Variants in ADGRB3 observed in about 807,000 individuals in gnomAD.
ADGRB3 encodes the protein brain-specific angiogenesis inhibitor 3.
ADGRB3 carries 37 observed loss-of-function variants against 193.4 expected under a neutral mutation model. The ratio of observed to expected loss-of-function variants is 0.19; its 90% confidence interval spans 0.15 to 0.25. The LOEUF (loss-of-function observed/expected upper bound fraction) is 0.25. ADGRB3 is among the 10% of genes least tolerant of loss of function. ADGRB3 has a pLI of 1.00. For missense variants in ADGRB3, 1,637 were observed against 1,852.9 expected, an observed-to-expected ratio of 0.88 and a Z score of 2.14; for synonymous variants, 690 against 644.2, an observed-to-expected ratio of 1.07 and a Z score of -1.08.
chr6:69,214,108 A>G (rs1765723832), intron 17 of ADGRB3, among the ~76,000 whole-genome samples: 1 of 152,166 alleles, frequency 6.6e-6, no homozygotes, highest in Non-Finnish European at 1.5e-5. Context: ...AGGGTATTTG[A>G]CCTGAACTGG....
chr6:68,977,562 C>G (rs1429775513), intron 10 of ADGRB3, among the ~76,000 whole-genome samples: 1 of 152,096 alleles, frequency 6.6e-6, no homozygotes, highest in Non-Finnish European at 1.5e-5. Flanking sequence ...AAGATAGATA[C>G]ACTCAGTGAA....
chr6:69,091,802 T>C (rs906871698), intron 17 of ADGRB3, among the ~76,000 whole-genome samples: 2 of 152,096 alleles, frequency 1.3e-5, no homozygotes, highest in African/African-American at 2.4e-5. Flanking sequence ...AGTTAAAAAG[T>C]AAATAAATAA....
At chr6:68,742,893 T>G (rs1467696289) in intron 3 of ADGRB3, among the ~76,000 whole-genome samples, 1 of 151,934 alleles carries the variant, frequency 6.6e-6, no homozygotes, top group Non-Finnish European at 1.5e-5. Flanking sequence ...AATTTTCTAT[T>G]TTTTCCTAAA....
intron 3 of ADGRB3, among the ~76,000 whole-genome samples, chr6:68,700,412 A>G (rs895886009): frequency 1.3e-5 from 2 of 152,116 alleles, no homozygotes; most frequent in African/African-American, 4.8e-5. Context: ...GGAAATCTAT[A>G]AACGGTTGGA....
chr6:69,272,118 C>A (rs986545968), intron 20 of ADGRB3, among the ~76,000 whole-genome samples: 20 of 152,170 alleles, frequency 1.3e-4, no homozygotes, highest in African/African-American at 4.6e-4. Context: ...ACACGCTGCA[C>A]CCACACATAC....
chr6:69,344,649 A>G (rs1769046780), intron 26 of ADGRB3, among the ~76,000 whole-genome samples: 1 of 152,196 alleles, frequency 6.6e-6, no homozygotes, highest in African/African-American at 2.4e-5. Context: ...TTACATGAAC[A>G]TCCAGGTTTG....
intron 31 of ADGRB3, among the ~76,000 whole-genome samples, chr6:69,383,625 A>G (rs1769998441): frequency 6.6e-6 from 1 of 152,024 alleles, no homozygotes; most frequent in Non-Finnish European, 1.5e-5. Flanking sequence ...ATCAAGAACT[A>G]TCTGATCTTA....
intron 3 of ADGRB3, among the ~76,000 whole-genome samples, chr6:68,679,012 T>G (rs970838696): frequency 1.3e-5 from 2 of 152,186 alleles, no homozygotes; most frequent in African/African-American, 2.4e-5. Context: ...AAAAAATTTC[T>G]TATCCTATTT....
chr6:68,824,974 C>T (rs1767815756), intron 3 of ADGRB3, among the ~76,000 whole-genome samples: 1 of 152,072 alleles, frequency 6.6e-6, no homozygotes, highest in Non-Finnish European at 1.5e-5. Flanking sequence ...CCTGTGTCAG[C>T]CTCAGGAGTA....
At chr6:68,795,278 G>A (rs1473500034) in intron 3 of ADGRB3, among the ~76,000 whole-genome samples, 1 of 151,386 alleles carries the variant, frequency 6.6e-6, no homozygotes, top group African/African-American at 2.4e-5. Flanking sequence ...AAAAAAAGAA[G>A]AAAAAATAGA....
intron 3 of ADGRB3, among the ~76,000 whole-genome samples, chr6:68,671,689 G>A (rs117010858): frequency 0.012 from 1,784 of 151,984 alleles, 14 homozygotes; most frequent in Non-Finnish European, 0.018. Context: ...TCCATCAATA[G>A]TCATCAGAGA....
chr6:69,071,424 A>T (rs1772075795), intron 16 of ADGRB3, among the ~76,000 whole-genome samples: 1 of 152,222 alleles, frequency 6.6e-6, no homozygotes, highest in Non-Finnish European at 1.5e-5. Context: ...TCAAGTAAAT[A>T]TATTTGTTTG....
chr6:69,314,723 A>T (rs773889638), intron 20 of ADGRB3, among the ~76,000 whole-genome samples: 2 of 151,596 alleles, frequency 1.3e-5, no homozygotes, highest in Non-Finnish European at 3.0e-5. Context: ...GAGGTTTTTC[A>T]GCTGTTTACA....
intron 23 of ADGRB3, among the ~76,000 whole-genome samples, chr6:69,331,007 A>T (rs1016827059): frequency 1.3e-5 from 2 of 152,168 alleles, no homozygotes; most frequent in African/African-American, 4.8e-5. Flanking sequence ...GACCTCAGTG[A>T]TACTGATATT....
At chr6:68,867,121 T>A (rs1430670463) in intron 3 of ADGRB3, among the ~76,000 whole-genome samples, 1 of 152,108 alleles carries the variant, frequency 6.6e-6, no homozygotes, top group Non-Finnish European at 1.5e-5. Flanking sequence ...TCCAGGGCAT[T>A]TCAGAGCTCT....
intron 6 of ADGRB3, among the ~76,000 whole-genome samples, chr6:68,950,414 T>G (rs1211049029): frequency 6.6e-6 from 1 of 152,162 alleles, no homozygotes; most frequent in Non-Finnish European, 1.5e-5. Context: ...TTAAATGGTG[T>G]TCTATGAATT....
At chr6:69,260,263 T>C (rs1766895645) in intron 20 of ADGRB3, among the ~76,000 whole-genome samples, 1 of 152,190 alleles carries the variant, frequency 6.6e-6, no homozygotes, top group South Asian at 2.1e-4. Flanking sequence ...TCTATGATTT[T>C]ACATGGTAAA....
intron 3 of ADGRB3, among the ~76,000 whole-genome samples, chr6:68,799,080 T>C (rs1306455436): frequency 6.6e-6 from 1 of 152,094 alleles, no homozygotes; most frequent in Non-Finnish European, 1.5e-5. Context: ...AAATACCTTT[T>C]CGTTTAAAGA....
In ADGRB3 at chr6:68,977,788, C is replaced by A. The variant is rs144512650; in HGVS notation, c.1734+2448C>A. Reference sequence around the variant, plus strand: ...GAATCCCAGTCCTCACAAGAATCTGCAAGATGGGTGTCCATGCCGCAGTTT... The same window carrying A: ...GAATCCCAGTCCTCACAAGAATCTGAAAGATGGGTGTCCATGCCGCAGTTT... On this transcript the variant is annotated intron_variant, in intron 10 of 31. Transcript: ENST00000370598. Among the ~76,000 whole-genome samples, 1,122 of 152,236 alleles carry A rather than the reference C, an allele frequency of 7.4e-3. 12 individuals carry two copies. The highest frequency in any genetic ancestry group is 0.025 in the African/African-American group (1,038 of 41,552).
Sources: allele counts gnomAD v4.1 joint callset (sites outside exome capture counted in the v4.1 genomes callset), GRCh38; gene constraint gnomAD v4.1.1; transcripts MANE v1.5; gene names NCBI Gene and HGNC (gene_info 2026-07-23, HGNC 2026-07-21).